Variants in STXBP6 observed in about 807,000 individuals in gnomAD.
The protein encoded by STXBP6 is syntaxin-binding protein 6.
A neutral mutation model predicts 26.9 loss-of-function variants in STXBP6; 21 were observed. That is an observed-to-expected ratio of 0.78 (90% CI 0.55 to 1.12). The LOEUF (loss-of-function observed/expected upper bound fraction) is 1.12. STXBP6 is among the 50% of genes most tolerant of loss of function. STXBP6 has a pLI of 0.00. For synonymous variants in STXBP6, 97 were observed against 92.6 expected, an observed-to-expected ratio of 1.05 and a Z score of -0.27; for missense variants, 232 against 257.9, an observed-to-expected ratio of 0.90 and a Z score of 0.69.
At chr14:24,829,489 T>C (rs987975175) in intron 4 of STXBP6, among the ~76,000 whole-genome samples, 1 of 152,206 alleles carries the variant, frequency 6.6e-6, no homozygotes, top group Non-Finnish European at 1.5e-5. Flanking sequence ...TTTCCATGCA[T>C]ATAATCCCAT....
intron 1 of STXBP6, among the ~76,000 whole-genome samples, chr14:24,995,680 A>G (rs2074583491): frequency 1.3e-5 from 2 of 152,274 alleles, no homozygotes; most frequent in South Asian, 4.1e-4. Flanking sequence ...TAGAAAATAA[A>G]CTTCTTGGAA....
chr14:25,034,096 A>G (rs2075509716), intron 1 of STXBP6, among the ~76,000 whole-genome samples: 1 of 152,200 alleles, frequency 6.6e-6, no homozygotes, highest in Non-Finnish European at 1.5e-5. Context: ...GGACAAGGAA[A>G]GAAGTAGGGT....
At chr14:24,924,850 T>C (rs1253886967) in intron 2 of STXBP6, among the ~76,000 whole-genome samples, 1 of 152,190 alleles carries the variant, frequency 6.6e-6, no homozygotes, top group Admixed American at 6.5e-5. Flanking sequence ...AGGACAATTA[T>C]TCTGCAAAGA....
chr14:24,840,667 T>C (rs988627640), intron 4 of STXBP6, among the ~76,000 whole-genome samples: 1 of 152,200 alleles, frequency 6.6e-6, no homozygotes, highest in Non-Finnish European at 1.5e-5. Flanking sequence ...ACTGCATTTG[T>C]CAACTCTTCC....
chr14:24,989,510 G>C lies in STXBP6; in HGVS notation c.-32-14660C>G, dbSNP rs115507346. Among the ~76,000 whole-genome samples, 667 of 152,280 alleles carry C rather than the reference G, an allele frequency of 4.4e-3. 3 individuals carry two copies. Among genetic ancestry groups the C allele is most frequent in the African/African-American group, 0.015 (640 of 41,542 alleles). ...CATAGTCATCTTAGAATTTTATAAA[G>C]ACTTTATATTCTATCCCTCTCCCAA... On this transcript the variant is annotated intron_variant, in intron 1 of 5. Coordinates refer to ENST00000323944, the MANE Select transcript of STXBP6 (RefSeq NM_001394410.1).
intron 2 of STXBP6, among the ~76,000 whole-genome samples, chr14:24,945,139 A>AT (rs552562019): frequency 0.025 from 2,486 of 100,428 alleles, 167 homozygotes; most frequent in Middle Eastern, 0.051. Context: ...CCAATTAGGA[A>AT]TTTTTTTTTT....
At chr14:24,994,988 G>A (rs1331873105) in intron 1 of STXBP6, 1 of 148,632 alleles carries the variant, frequency 6.7e-6, no homozygotes, top group Non-Finnish European at 1.4e-5. Flanking sequence ...CTCTAGCCTA[G>A]GTGACAGAGT....
intron 2 of STXBP6, among the ~76,000 whole-genome samples, chr14:24,867,149 T>C (rs1422368688): frequency 2.0e-5 from 3 of 152,170 alleles, no homozygotes; most frequent in African/African-American, 4.8e-5. Context: ...CGAATGAATT[T>C]AGTGCCTTCT....
chr14:24,962,287 TTTTATTTATTTATTTATTTATTTA>T (rs72330952), intron 2 of STXBP6, among the ~76,000 whole-genome samples: 39 of 140,258 alleles, frequency 2.8e-4, no homozygotes, highest in South Asian at 2.6e-3. Flanking sequence ...GTACAAGATA[TTTTATTTATTTATTTATTTATTTA>T]TTTATTTATT....
At chr14:24,833,613 G>T (rs998253107) in intron 4 of STXBP6, among the ~76,000 whole-genome samples, 1 of 152,114 alleles carries the variant, frequency 6.6e-6, no homozygotes, top group Non-Finnish European at 1.5e-5. Flanking sequence ...ATTTTCATTG[G>T]CATTCATCTT....
intron 2 of STXBP6, among the ~76,000 whole-genome samples, chr14:24,935,209 A>G (rs1292604825): frequency 6.6e-6 from 1 of 152,206 alleles, no homozygotes; most frequent in Non-Finnish European, 1.5e-5. Flanking sequence ...TCAGCTTCTC[A>G]TAACAATAAG....
At chr14:24,892,708 T>C (rs2070836372) in intron 2 of STXBP6, among the ~76,000 whole-genome samples, 1 of 152,166 alleles carries the variant, frequency 6.6e-6, no homozygotes, top group Non-Finnish European at 1.5e-5. Flanking sequence ...GTTGCAATCC[T>C]CCGGGCCATG....
chr14:25,037,729 C>A (rs1347289111), intron 1 of STXBP6, among the ~76,000 whole-genome samples: 1 of 152,098 alleles, frequency 6.6e-6, no homozygotes, highest in African/African-American at 2.4e-5. Flanking sequence ...ATGTTTAGAG[C>A]AATTCCAAAA....
intron 2 of STXBP6, among the ~76,000 whole-genome samples, chr14:24,888,063 T>C (rs1034836398): frequency 2.0e-5 from 3 of 152,204 alleles, no homozygotes; most frequent in Admixed American, 2.0e-4. Context: ...GCCAATATAC[T>C]TCTGTTCTTC....
At chr14:24,953,252 C>A (rs928030180) in intron 2 of STXBP6, among the ~76,000 whole-genome samples, 2 of 152,268 alleles carry the variant, frequency 1.3e-5, no homozygotes, top group Admixed American at 1.3e-4. Flanking sequence ...GGCATGTAGG[C>A]GCAGCAGGAT....
chr14:24,941,879 A>C (rs989094859), intron 2 of STXBP6, among the ~76,000 whole-genome samples: 2 of 152,240 alleles, frequency 1.3e-5, no homozygotes, highest in African/African-American at 4.8e-5. Flanking sequence ...AGTTTCTGAG[A>C]GCCTGTGAGT....
At chr14:24,979,652 T>C (rs896424140) in intron 1 of STXBP6, among the ~76,000 whole-genome samples, 1 of 152,190 alleles carries the variant, frequency 6.6e-6, no homozygotes, top group Admixed American at 6.5e-5. Flanking sequence ...CCCATATACC[T>C]AGCTGTAGAC....
At chr14:25,005,049 G>A (rs761998424) in intron 1 of STXBP6, among the ~76,000 whole-genome samples, 29 of 152,030 alleles carry the variant, frequency 1.9e-4, no homozygotes, top group African/African-American at 5.1e-4. Flanking sequence ...TAGTCACTGC[G>A]GGAGCTGATC....
chr14:24,845,549 A>T (rs1439311554), intron 4 of STXBP6, among the ~76,000 whole-genome samples: 1 of 152,226 alleles, frequency 6.6e-6, no homozygotes, highest in African/African-American at 2.4e-5. Flanking sequence ...AGAACAGATT[A>T]GCAGAAGTAA....
Sources: allele counts gnomAD v4.1 joint callset (sites outside exome capture counted in the v4.1 genomes callset), GRCh38; gene constraint gnomAD v4.1.1; transcripts MANE v1.5; gene names NCBI Gene and HGNC (gene_info 2026-07-23, HGNC 2026-07-21).